ERI3: variants seen among roughly 807,000 people sequenced by gnomAD.
ERI3 encodes ERI1 exoribonuclease family member 3.
ERI3 carries 18 observed loss-of-function variants against 44.4 expected under a neutral mutation model. The observed-to-expected ratio is 0.41, with a 90% CI of 0.28 to 0.60. The LOEUF (loss-of-function observed/expected upper bound fraction) is 0.60. Ranked by LOEUF, ERI3 falls within the 20% of genes least tolerant of loss-of-function variation. The probability of loss-of-function intolerance (pLI) is 0.36; values close to 1 mark genes in which losing one functional copy is unlikely to be tolerated. For missense variants in ERI3, 294 were observed against 435.5 expected, an observed-to-expected ratio of 0.68 and a Z score of 2.89; for synonymous variants, 183 against 164.8, an observed-to-expected ratio of 1.11 and a Z score of -0.84.
rs1186479892 is a variant in ERI3, at chr1:44,352,944, C to T, written c.136-19G>A. ...CCCAATGCTGTGGATAAATACACAT[C>T]TCTGCAACAAGTCTATTTCAATACC... On this transcript the variant is annotated intron_variant, in intron 1 of 8. Transcript: ENST00000372257. The T allele has an allele frequency of 1.9e-6, 3 of 1,613,966 alleles. 1 individual carries two copies. In the South Asian group the frequency reaches 3.3e-5, roughly 18 times the overall value.
chr1:44,284,161 G>GA (rs975052651), intron 7 of ERI3: 5 of 439,882 alleles, frequency 1.1e-5, no homozygotes, highest in African/African-American at 1.0e-4. Flanking sequence ...ACTCTGCTAG[G>GA]AAAGTACAGT....
At chr1:44,342,909 A>G (rs1339540479) in intron 2 of ERI3, among the ~76,000 whole-genome samples, 1 of 105,352 alleles carries the variant, frequency 9.5e-6, no homozygotes, top group East Asian at 3.2e-4. Context: ...GAGTCTCACT[A>G]CGTTGCCCAG....
chr1:44,256,704 C>T (rs1374414772), intron 7 of ERI3: 1 of 152,262 alleles, frequency 6.6e-6, no homozygotes, highest in Admixed American at 6.5e-5. Context: ...AGGTCTAAGT[C>T]CCACAGCATT....
At chr1:44,304,374 A>G (rs1645790702) in intron 6 of ERI3, among the ~76,000 whole-genome samples, 1 of 152,206 alleles carries the variant, frequency 6.6e-6, no homozygotes, top group Non-Finnish European at 1.5e-5. Context: ...AGAAACACCA[A>G]CATGAAAACA....
intron 3 of ERI3, among the ~76,000 whole-genome samples, chr1:44,325,666 T>C (rs2154329795): frequency 6.6e-6 from 1 of 152,228 alleles, no homozygotes; most frequent in South Asian, 2.1e-4. Flanking sequence ...AATTCTGTTT[T>C]TTTGTTTGTT....
chr1:44,274,784 C>T (rs1266380819), intron 7 of ERI3, among the ~76,000 whole-genome samples: 2 of 152,162 alleles, frequency 1.3e-5, no homozygotes, highest in Admixed American at 6.5e-5. Flanking sequence ...AGCATCAAAC[C>T]CAGCAGCAAG....
At chr1:44,305,410 A>G (rs1246970194) in intron 6 of ERI3, among the ~76,000 whole-genome samples, 2 of 152,222 alleles carry the variant, frequency 1.3e-5, no homozygotes, top group African/African-American at 4.8e-5. Context: ...AAGAAACACC[A>G]AGCAAGGCGA....
chr1:44,222,592 C>T (rs972348504), intron 8 of ERI3, among the ~76,000 whole-genome samples: 1 of 152,182 alleles, frequency 6.6e-6, no homozygotes, highest in Non-Finnish European at 1.5e-5. Flanking sequence ...TGTTTCACCA[C>T]CACCACCACC....
At chr1:44,335,450 G>GTCT (rs1646514578) in intron 3 of ERI3, among the ~76,000 whole-genome samples, 1 of 152,070 alleles carries the variant, frequency 6.6e-6, no homozygotes, top group African/African-American at 2.4e-5. Context: ...CTCCCAGGAG[G>GTCT]CATGCAGACC....
intron 3 of ERI3, among the ~76,000 whole-genome samples, chr1:44,331,645 G>A (rs1646433168): frequency 1.3e-5 from 2 of 152,154 alleles, no homozygotes; most frequent in Admixed American, 1.3e-4. Context: ...TAACTGAACA[G>A]TGAAATACTT....
intron 8 of ERI3, among the ~76,000 whole-genome samples, chr1:44,225,756 C>G (rs1027316748): frequency 6.6e-6 from 1 of 152,176 alleles, no homozygotes; most frequent in African/African-American, 2.4e-5. Flanking sequence ...TCTCCATTAG[C>G]GGTACTTACC....
chr1:44,247,007 C>T (rs1644568427), intron 8 of ERI3, among the ~76,000 whole-genome samples: 1 of 152,168 alleles, frequency 6.6e-6, no homozygotes, highest in Admixed American at 6.5e-5. Context: ...TGGTCAGGTG[C>T]CTCACCTGAG....
At chr1:44,302,771 C>A (rs111536907) in intron 6 of ERI3, among the ~76,000 whole-genome samples, 2 of 152,156 alleles carry the variant, frequency 1.3e-5, no homozygotes, top group Non-Finnish European at 2.9e-5. Context: ...GCATTCCCAC[C>A]GTGTATCACC....
intron 8 of ERI3, among the ~76,000 whole-genome samples, chr1:44,245,767 TCACA>T (rs1439872719): frequency 3.3e-5 from 5 of 152,080 alleles, no homozygotes; most frequent in Admixed American, 2.6e-4. Flanking sequence ...GAACCCCTTC[TCACA>T]CACACACCCT....
intron 4 of ERI3, among the ~76,000 whole-genome samples, chr1:44,314,181 A>C (rs915535029): frequency 6.6e-6 from 1 of 152,098 alleles, no homozygotes; most frequent in Non-Finnish European, 1.5e-5. Context: ...ACTCCAATTA[A>C]ACTATAATTA....
At chr1:44,324,982 G>A (rs1375543939) in intron 3 of ERI3, among the ~76,000 whole-genome samples, 1 of 151,778 alleles carries the variant, frequency 6.6e-6, no homozygotes, top group Non-Finnish European at 1.5e-5. Flanking sequence ...TAGATCTTTT[G>A]TTGAGGAGAG....
At chr1:44,272,449 C>CTCA (rs1430010883) in intron 7 of ERI3, among the ~76,000 whole-genome samples, 1 of 152,236 alleles carries the variant, frequency 6.6e-6, no homozygotes, top group African/African-American at 2.4e-5. Context: ...CTCCCCAGGA[C>CTCA]TCAGCGTATA....
intron 2 of ERI3, among the ~76,000 whole-genome samples, chr1:44,346,999 T>C (rs940155889): frequency 6.6e-6 from 1 of 152,024 alleles, no homozygotes; most frequent in East Asian, 1.9e-4. Flanking sequence ...TATTTAATCC[T>C]CCCAAGTATC....
rs889487323 is a variant in ERI3, at chr1:44,252,346, C to T, written c.832-4308G>A. 6.6e-6 allele frequency among the ~76,000 whole-genome samples: 1 copy of T among 152,246 alleles called. No individual in the cohort carries two copies. Among genetic ancestry groups the T allele is most frequent in the Non-Finnish European group, 1.5e-5 (1 of 68,040 alleles). On this transcript the variant is annotated intron_variant, in intron 7 of 8. Transcript: ENST00000372257. This position sits in a 1 kb window ranked among gnomAD's most constrained non-coding sequence, Gnocchi z 4.7. ...CGAGCTGCTCCCGGCTGGCTCTCCC[C>T]TCTCGTGGCTCTGCCCGCCTTGGCT... is the stretch of plus-strand genomic sequence containing the variant.
Sources: allele counts gnomAD v4.1 joint callset (sites outside exome capture counted in the v4.1 genomes callset), GRCh38; gene constraint gnomAD v4.1.1; non-coding constraint Gnocchi (gnomAD v3.1); transcripts MANE v1.5; gene names NCBI Gene and HGNC (gene_info 2026-07-23, HGNC 2026-07-21).